Variants in TMEM91 observed in about 807,000 individuals in gnomAD.
The protein encoded by TMEM91 is dispanin subfamily C member 3.
Under a neutral mutation model 13.3 loss-of-function variants are expected in TMEM91, and 6 were observed. The ratio of observed to expected loss-of-function variants is 0.45; its 90% CI spans 0.25 to 0.89. The LOEUF is 0.89. TMEM91 is among the 40% of genes least tolerant of loss of function. The probability of loss-of-function intolerance (pLI) is 0.19; values close to 1 mark genes in which losing one functional copy is unlikely to be tolerated. For synonymous variants in TMEM91, 87 were observed against 101.7 expected, an observed-to-expected ratio of 0.86 and a Z score of 0.87; for missense variants, 193 against 228.7, an observed-to-expected ratio of 0.84 and a Z score of 1.01.
intron 1 of TMEM91, among the ~76,000 whole-genome samples, chr19:41,367,418 G>A (rs947749573): frequency 6.6e-6 from 1 of 152,070 alleles, no homozygotes; most frequent in South Asian, 2.1e-4. Flanking sequence ...AAATCACGAG[G>A]TCAGGGGTTC....
intron 2 of TMEM91, among the ~76,000 whole-genome samples, chr19:41,381,816 A>T (rs1400275755): frequency 6.6e-6 from 1 of 151,718 alleles, no homozygotes; most frequent in Admixed American, 6.6e-5. Flanking sequence ...CCGGCCAATA[A>T]TCTCCATCTT....
At chr19:41,375,344 T>A (rs188051252), upstream of TMEM91, among the ~76,000 whole-genome samples, 1 of 129,540 alleles carries the variant, frequency 7.7e-6, no homozygotes, top group East Asian at 2.6e-4. Context: ...AGTGGCGCGA[T>A]CTCGGCTCAC....
chr19:41,381,289 C>T (rs1322426240), intron 2 of TMEM91, among the ~76,000 whole-genome samples: 1 of 151,552 alleles, frequency 6.6e-6, no homozygotes, highest in Admixed American at 6.6e-5. Context: ...CTGCTGGGCT[C>T]AAGCCATCCT....
chr19:41,375,840 T>C (rs767913548), upstream of TMEM91, among the ~76,000 whole-genome samples: 1 of 141,656 alleles, frequency 7.1e-6, no homozygotes, highest in Non-Finnish European at 1.5e-5. Context: ...AAAAAAAATC[T>C]GCCGGGCGCG....
chr19:41,364,384 C>A (rs964771113), intron 1 of TMEM91, among the ~76,000 whole-genome samples: 1 of 152,126 alleles, frequency 6.6e-6, no homozygotes, highest in African/African-American at 2.4e-5. Context: ...CTCCCAGATA[C>A]CTTCTTTACC....
chr19:41,383,794 CCGTCGGGCTGGG>C lies in TMEM91; in HGVS notation c.444_455del (p.Gly149_Val152del). Reference sequence around the variant, plus strand: ...CGTGCCTTCCTGCTGGGGGTCCTCGCCGTCGGGCTGGGCGTGTGCACGTATGCGGCTGCCCTG... The same window carrying C: ...CGTGCCTTCCTGCTGGGGGTCCTCGCCGTGTGCACGTATGCGGCTGCCCTG... On this transcript the variant is annotated inframe_deletion, in exon 4 of 4. Transcript: ENST00000392002. 1 of 1,611,298 alleles carries C rather than the reference CCGTCGGGCTGGG, an allele frequency of 6.2e-7. No homozygotes were observed. Among genetic ancestry groups the C allele is most frequent in the Non-Finnish European group, 8.5e-7 (1 of 1,178,492 alleles).
intron 1 of TMEM91, among the ~76,000 whole-genome samples, chr19:41,370,987 G>T (rs911172692): frequency 6.8e-6 from 1 of 146,332 alleles, no homozygotes; most frequent in African/African-American, 2.5e-5. Context: ...ACAGGCGTGA[G>T]CTACCGTGTC....
intron 1 of TMEM91, chr19:41,364,298 C>T (rs2038475404): frequency 6.5e-6 from 1 of 152,784 alleles, no homozygotes; most frequent in South Asian, 1.9e-4. Context: ...CCAGCTACGG[C>T]AAAGGGTTCC....
At chr19:41,381,932 C>A (rs1293304843) in intron 2 of TMEM91, among the ~76,000 whole-genome samples, 1 of 152,060 alleles carries the variant, frequency 6.6e-6, no homozygotes. Flanking sequence ...GTGGCTCGAT[C>A]TCAGCTCACT....
chr19:41,374,046 C>T (rs1700981480), upstream of TMEM91: 1 of 152,246 alleles, frequency 6.6e-6, no homozygotes, highest in African/African-American at 2.4e-5. Context: ...CAGGGCATCC[C>T]TCCTGAGTAA....
chr19:41,379,539 A>G (rs987171405), intron 2 of TMEM91, among the ~76,000 whole-genome samples: 1 of 147,456 alleles, frequency 6.8e-6, no homozygotes, highest in African/African-American at 2.5e-5. Flanking sequence ...AGAAAAAGAG[A>G]GGGAGAGGGG....
chr19:41,375,578 C>T (rs1414918413), upstream of TMEM91, among the ~76,000 whole-genome samples: 7 of 150,078 alleles, frequency 4.7e-5, no homozygotes, highest in East Asian at 1.4e-3. Flanking sequence ...GCGCCCGGCC[C>T]GTGAGCCCGT....
At chr19:41,376,527 T>G (rs1467904725), upstream of TMEM91, 1 of 152,230 alleles carries the variant, frequency 6.6e-6, no homozygotes, top group Non-Finnish European at 1.5e-5. Context: ...TGCCCCCTCC[T>G]CCGGCAGAGC....
At chr19:41,373,546 G>A (rs1005111495), upstream of TMEM91, among the ~76,000 whole-genome samples, 1 of 145,928 alleles carries the variant, frequency 6.9e-6, no homozygotes, top group Non-Finnish European at 1.5e-5. Flanking sequence ...TTGTTGTGCC[G>A]ACACTGATGT....
intron 1 of TMEM91, 24 bp from the exon 2 acceptor site, chr19:41,378,257 T>A (rs761453804): frequency 6.4e-7 from 1 of 1,561,110 alleles, no homozygotes; most frequent in Non-Finnish European, 8.8e-7. Flanking sequence ...TTACAACTTG[T>A]CTTTTTCTTC....
At chr19:41,364,387 T>C (rs1482000993) in intron 1 of TMEM91, among the ~76,000 whole-genome samples, 1 of 152,104 alleles carries the variant, frequency 6.6e-6, no homozygotes, top group East Asian at 1.9e-4. Flanking sequence ...CCAGATACCT[T>C]CTTTACCAAA....
At chr19:41,382,985 A>C in intron 3 of TMEM91, 64 bp downstream of exon 3, 1 of 1,588,140 alleles carries the variant, frequency 6.3e-7, no homozygotes, top group Non-Finnish European at 8.6e-7. Context: ...CCACAAAAAC[A>C]AAGAGCCATA....
chr19:41,365,468 G>A (rs892712243), intron 1 of TMEM91, among the ~76,000 whole-genome samples: 1 of 152,012 alleles, frequency 6.6e-6, no homozygotes, highest in East Asian at 1.9e-4. Flanking sequence ...GCAGTGGTGC[G>A]ATCCCAGCTC....
At chr19:41,380,801 CTA>C (rs1432641248) in intron 2 of TMEM91, among the ~76,000 whole-genome samples, 1 of 151,256 alleles carries the variant, frequency 6.6e-6, no homozygotes, top group Non-Finnish European at 1.5e-5. Flanking sequence ...GTAATCCCAG[CTA>C]TTCGGGAGGC....
Sources: gnomAD v4.1 joint callset for allele counts (sites outside exome capture counted in the v4.1 genomes callset) on GRCh38, gnomAD v4.1.1 for gene constraint, MANE v1.5 for transcripts, NCBI Gene and HGNC (gene_info 2026-07-23, HGNC 2026-07-21) for gene names.